GGT5: variants seen among roughly 807,000 people sequenced by gnomAD.
GGT5 encodes the protein gamma-glutamyltransferase 5, also known as glutathione hydrolase 5 proenzyme.
Under a neutral mutation model 58.1 loss-of-function variants are expected in GGT5, and 50 were observed. The observed-to-expected ratio is 0.86, with a 90% confidence interval of 0.69 to 1.09. GGT5 has a LOEUF of 1.09. GGT5 is among the 50% of genes least tolerant of loss of function. The pLI, the probability that GGT5 is intolerant of heterozygous loss-of-function variation, is 0.00. For synonymous variants in GGT5, 370 were observed against 346.1 expected, an observed-to-expected ratio of 1.07 and a Z score of -0.77; for missense variants, 800 against 789.4, an observed-to-expected ratio of 1.01 and a Z score of -0.16.
Position 24,226,207 on chromosome 22 carries a change from A to G in GGT5, c.1098T>C (p.Asp366=). 1 of 1,609,698 alleles carries G rather than the reference A, an allele frequency of 6.2e-7. No individual in the cohort carries two copies. The highest frequency in any genetic ancestry group is 8.5e-7 in the Non-Finnish European group (1 of 1,179,840). ...TLAQLIRQQI[D]GRGDHQLSHY... Reference sequence around the variant, plus strand: ...GGCTGAGCTGGTGGTCCCCCCGGCCATCGATCTGTTGGCGGATGAGCTGGG... The same window carrying G: ...GGCTGAGCTGGTGGTCCCCCCGGCCGTCGATCTGTTGGCGGATGAGCTGGG... The change falls in exon 8 of 12, where the codon GAT becomes GAC. Residue 366 remains aspartate (D), a synonymous_variant. Transcript: ENST00000327365.
chr22:24,235,854 G>C (rs1234564796), intron 1 of GGT5, among the ~76,000 whole-genome samples: 1 of 152,010 alleles, frequency 6.6e-6, no homozygotes, highest in African/African-American at 2.4e-5. Context: ...TTACAGATGG[G>C]GAAACCAAAG....
intron 11 of GGT5, chr22:24,220,395 CA>C (rs1309809017): frequency 3.5e-6 from 2 of 570,038 alleles, no homozygotes; most frequent in Non-Finnish European, 6.6e-6. Flanking sequence ...CCAAGGACAC[CA>C]GGGCCTTGAG....
chr22:24,227,489 CA>C (rs2047803158), intron 6 of GGT5, among the ~76,000 whole-genome samples: 1 of 152,028 alleles, frequency 6.6e-6, no homozygotes, highest in African/African-American at 2.4e-5. Context: ...TCAAGTGATC[CA>C]CCCTCCTTAG....
intron 5 of GGT5, among the ~76,000 whole-genome samples, chr22:24,231,803 G>T (rs562992846): frequency 6.6e-6 from 1 of 152,206 alleles, no homozygotes; most frequent in East Asian, 1.9e-4. Context: ...TGGTCAGCTC[G>T]GCTACCCAGA....
At chr22:24,224,145 G>A (rs1167651576) in intron 11 of GGT5, among the ~76,000 whole-genome samples, 1 of 152,098 alleles carries the variant, frequency 6.6e-6, no homozygotes, top group Non-Finnish European at 1.5e-5. Flanking sequence ...TCTGTCTAAG[G>A]ATAGAGGGGG....
chr22:24,225,137 A>G, intron 10 of GGT5, 31 bp from the exon 11 acceptor site: 2 of 1,576,436 alleles, frequency 1.3e-6, no homozygotes, highest in Non-Finnish European at 1.7e-6. Context: ...TCAGGGAGAA[A>G]GGGGGCACCC....
intron 11 of GGT5, among the ~76,000 whole-genome samples, chr22:24,224,447 T>C (rs1283765574): frequency 6.6e-6 from 1 of 151,468 alleles, no homozygotes; most frequent in African/African-American, 2.4e-5. Context: ...GAGCCCAGGA[T>C]GTCAAGGCTG....
At chr22:24,232,354 A>G in intron 4 of GGT5, 146 bp from the exon 5 acceptor site, 1 of 559,590 alleles carries the variant, frequency 1.8e-6, no homozygotes, top group Non-Finnish European at 3.2e-6. Flanking sequence ...GACACCGGGG[A>G]ACTGATTCTC....
At chr22:24,225,523 C>T (rs12627971) in intron 9 of GGT5, 23 bp downstream of exon 9, 308,707 of 1,592,306 alleles carry the variant, frequency 0.19, 31,703 homozygotes, top group Admixed American at 0.29. Context: ...TTGTGGACCC[C>T]GGGTGGGAAG....
Position 24,233,024 on chromosome 22 carries a change from T to C in GGT5, c.401-6A>G. The C allele has an allele frequency of 6.6e-7, 1 of 1,516,972 alleles. No individual in the cohort carries two copies. Among genetic ancestry groups the C allele is most frequent in the Non-Finnish European group, 8.9e-7 (1 of 1,128,420 alleles). 94.0% of individuals were successfully genotyped at this position (1,516,972 alleles called of 1,614,324 possible). On this transcript the variant is annotated splice_region_variant and splice_polypyrimidine_tract_variant and intron_variant, in intron 3 of 11. Coordinates refer to ENST00000327365, the MANE Select transcript of GGT5 (RefSeq NM_004121.5). ...CACCCCGATCCACTGGGCCCCTGCA[T>C]GGCACATCCCAGCTCTCAACCCTGT... is the stretch of plus-strand genomic sequence containing the variant.
At chr22:24,231,696 C>T (rs1185217193) in intron 5 of GGT5, among the ~76,000 whole-genome samples, 166 bp from the exon 6 acceptor site, 1 of 152,074 alleles carries the variant, frequency 6.6e-6, no homozygotes, top group Non-Finnish European at 1.5e-5. Context: ...CCCCTTGGGG[C>T]CAGGCGTGGA....
chr22:24,228,062 AAAAACAAAAC>A (rs1331847015), intron 6 of GGT5, among the ~76,000 whole-genome samples: 1,739 of 121,918 alleles, frequency 0.014, 169 homozygotes, highest in African/African-American at 0.019. Context: ...AAAAAAAAAA[AAAAACAAAAC>A]AAAAAAAAAA....
intron 8 of GGT5, 28 bp from the exon 9 acceptor site, chr22:24,225,680 G>T: frequency 7.0e-7 from 1 of 1,428,734 alleles, no homozygotes. Context: ...GAAGAGCCTG[G>T]GCTAGGACCC....
chr22:24,238,807 A>AATATATATTAT (rs1556042034), intron 1 of GGT5, among the ~76,000 whole-genome samples: 1 of 2,214 alleles, frequency 4.5e-4, no homozygotes, highest in South Asian at 0.011. Flanking sequence ...ATATATATAT[A>AATATATATTAT]ATATATTATA....
Position 24,231,439 on chromosome 22 carries a change from T to C in GGT5, c.846A>G (p.Ser282=). 1 of 1,561,428 alleles carries C rather than the reference T, an allele frequency of 6.4e-7. No individual in the cohort carries two copies. The highest frequency in any genetic ancestry group is 8.7e-7 in the Non-Finnish European group (1 of 1,152,762). The change falls in exon 6 of 12, where the codon TCA becomes TCG. Residue 282 remains serine (S), a synonymous_variant. Coordinates refer to ENST00000327365, the MANE Select transcript of GGT5 (RefSeq NM_004121.5). ...EVPLGDYTLY[S]PPPPAGGAIL... ...TGGCACCCCCTGCAGGCGGCGGTGG[T>C]GAGTACAGGGTATAGTCCCCCAGGG...
At position 24,233,520 on chromosome 22, in the gene GGT5, T is replaced by C. The variant is rs2048011248; in HGVS notation, c.378A>G (p.Ala126=). Residue 126 remains alanine (A), a synonymous_variant, in exon 3 of 12, where the codon GCA becomes GCG. Transcript: ENST00000327365. ...SHAPSLLDQC[A]QALPLGTGAQ... is the part of the protein sequence containing the mutation. ...CACCTGTGCCCAGTGGCAGAGCCTG[T>C]GCACACTGGTCCAGCAGGCTCGGGG... 1 of 1,605,410 alleles carries C rather than the reference T, an allele frequency of 6.2e-7. No individual in the cohort carries two copies. Among genetic ancestry groups the C allele is most frequent in the Non-Finnish European group, 8.5e-7 (1 of 1,175,878 alleles).
Position 24,232,223 on chromosome 22 carries a change from G to GC in GGT5, c.597-16_597-15insG. The GC allele has an allele frequency of 4.5e-6, 4 of 890,648 alleles. No individual in the cohort carries two copies. Among genetic ancestry groups the GC allele is most frequent in the Non-Finnish European group, 6.8e-6 (4 of 590,056 alleles). The allele number at this position is 890,648 out of a possible 1,614,324, so 55.2% of individuals were successfully genotyped here. A position where few individuals can be genotyped will look rare whatever the true frequency, so the allele number is the denominator to read the frequency against. Reference sequence around the variant, plus strand: ...AGAAGAGCTGGCTGGGGGGTGGGGGGAGCCTCAGGGTGGGGCCAGGTCCCA... The same window carrying GC: ...AGAAGAGCTGGCTGGGGGGTGGGGGGCAGCCTCAGGGTGGGGCCAGGTCCCA... On this transcript the variant is annotated splice_polypyrimidine_tract_variant and intron_variant, in intron 4 of 11. Transcript: ENST00000327365.
chr22:24,219,936 G>A lies in GGT5; in HGVS notation c.*34C>T, dbSNP rs1248666998. 1.2e-6 allele frequency: 2 copies of A among 1,607,740 alleles called. No homozygotes were observed. Among genetic ancestry groups the A allele is most frequent in the African/African-American group, 2.7e-5 (2 of 74,782 alleles). On this transcript the variant is annotated 3_prime_UTR_variant, in exon 12 of 12. Coordinates refer to ENST00000327365, the MANE Select transcript of GGT5 (RefSeq NM_004121.5). ...CCGGCCTGGACACAGGACTCATGGTGGGGCCAGACTTCAGCTCTGGGCAGA... is the reference window on the plus strand; with the variant it reads ...CCGGCCTGGACACAGGACTCATGGTAGGGCCAGACTTCAGCTCTGGGCAGA...
Position 24,225,107 on chromosome 22 carries a change from C to A in GGT5, c.1504-1G>T. Reference sequence around the variant, plus strand: ...CAAGCCACAGCTTGCTCATGATGGCCTGGGGGAGAGATGAGGGTTTCAGGG... The same window carrying A: ...CAAGCCACAGCTTGCTCATGATGGCATGGGGGAGAGATGAGGGTTTCAGGG... On this transcript the variant is annotated splice_acceptor_variant, in intron 10 of 11. Transcript: ENST00000327365. LOFTEE classifies it high-confidence loss of function. The A allele has an allele frequency of 6.2e-7, 1 of 1,600,728 alleles. No homozygotes were observed.
Sources: gnomAD v4.1 joint callset for allele counts (sites outside exome capture counted in the v4.1 genomes callset) on GRCh38, gnomAD v4.1.1 for gene constraint, MANE v1.5 for transcripts, NCBI Gene and HGNC (gene_info 2026-07-23, HGNC 2026-07-21) for gene names.